The following PAPPA2 variants were observed in gnomAD, a reference collection of about 807,000 sequenced individuals.
PAPPA2 encodes the protein pappalysin 2.
A neutral mutation model predicts 176.4 loss-of-function variants in PAPPA2; 86 were observed. The ratio of observed to expected loss-of-function variants is 0.49; its 90% CI spans 0.41 to 0.58. The LOEUF (loss-of-function observed/expected upper bound fraction) is 0.58. Ranked by LOEUF, PAPPA2 falls within the 20% of genes least tolerant of loss-of-function variation. The pLI, the probability that PAPPA2 is intolerant of heterozygous loss-of-function variation, is 0.00. For synonymous variants in PAPPA2, 809 were observed against 852.2 expected, an observed-to-expected ratio of 0.95 and a Z score of 0.88; for missense variants, 2,073 against 2,256.9, an observed-to-expected ratio of 0.92 and a Z score of 1.65.
At chr1:176,670,479 T>C (rs1658928347) in intron 3 of PAPPA2, among the ~76,000 whole-genome samples, 1 of 152,216 alleles carries the variant, frequency 6.6e-6, no homozygotes, top group South Asian at 2.1e-4. Context: ...TTACTTTATG[T>C]TTTCTATCCT....
At chr1:176,580,159 C>T (rs1488345806) in intron 2 of PAPPA2, among the ~76,000 whole-genome samples, 1 of 152,120 alleles carries the variant, frequency 6.6e-6, no homozygotes, top group African/African-American at 2.4e-5. Context: ...CCCTATCTCC[C>T]TCTTCCTGCT....
Position 176,765,658 on chromosome 1 carries a change from T to C in PAPPA2, c.4152-8T>C. 2 of 1,613,150 alleles carry C rather than the reference T, an allele frequency of 1.2e-6. No individual in the cohort carries two copies. The highest frequency in any genetic ancestry group is 1.1e-5 in the South Asian group (1 of 90,952). On this transcript the variant is annotated splice_polypyrimidine_tract_variant and splice_region_variant and intron_variant, in intron 14 of 22. Transcript: ENST00000367662. ...AGTCCTAAGATGGTTCTATTTCTCT[T>C]ATCCCAGCTGTATCCATCGGCCCTG...
chr1:176,700,945 T>C (rs1268925338), intron 8 of PAPPA2, among the ~76,000 whole-genome samples: 1 of 152,170 alleles, frequency 6.6e-6, no homozygotes, highest in East Asian at 1.9e-4. Flanking sequence ...AAAAAGCTAA[T>C]GCAAATGCAA....
intron 3 of PAPPA2, among the ~76,000 whole-genome samples, chr1:176,668,010 G>T (rs574617394): frequency 6.6e-6 from 1 of 152,270 alleles, no homozygotes; most frequent in East Asian, 1.9e-4. Flanking sequence ...ATGCACTAAG[G>T]CTGGGAGGCA....
intron 12 of PAPPA2, among the ~76,000 whole-genome samples, chr1:176,728,543 C>T (rs372925243): frequency 6.6e-6 from 1 of 151,908 alleles, no homozygotes. Flanking sequence ...GAGGCACAAA[C>T]TGGTCCTGTA....
intron 21 of PAPPA2, among the ~76,000 whole-genome samples, chr1:176,829,100 T>C (rs539525508): frequency 6.6e-6 from 1 of 152,316 alleles, no homozygotes; most frequent in South Asian, 2.1e-4. Context: ...TGAAACACTT[T>C]CATCTTTGTA....
In PAPPA2 at chr1:176,632,229, ATGTGTGTGTGTG is replaced by A. The variant is rs56939950; in HGVS notation, c.1991+36657_1991+36668del. Reference sequence around the variant, plus strand: ...GGTTGAAGACCAATAATTAGTAGTGATGTGTGTGTGTGTGTGTGTGTGTGTGTGTGTGTGAGA... The same window carrying A: ...GGTTGAAGACCAATAATTAGTAGTGATGTGTGTGTGTGTGTGTGTGTGAGA... On this transcript the variant is annotated intron_variant, in intron 3 of 22. Coordinates refer to ENST00000367662, the MANE Select transcript of PAPPA2 (RefSeq NM_020318.3). Among the ~76,000 whole-genome samples the A allele has an allele frequency of 5.5e-5, 8 of 145,536 alleles. No homozygotes were observed. In the East Asian group the frequency reaches 8.2e-4, roughly 15 times the overall value.
At chr1:176,839,604 T>C (rs1363013058) in intron 21 of PAPPA2, among the ~76,000 whole-genome samples, 5 of 152,120 alleles carry the variant, frequency 3.3e-5, no homozygotes, top group Non-Finnish European at 7.4e-5. Context: ...ACCCAAGGAC[T>C]ACTCAGGTCT....
At chr1:176,508,297 G>T (rs141051500) in intron 1 of PAPPA2, among the ~76,000 whole-genome samples, 1 of 151,732 alleles carries the variant, frequency 6.6e-6, no homozygotes, top group South Asian at 2.1e-4. Context: ...TAAATCAGTC[G>T]GTAGAAACAT....
intron 1 of PAPPA2, among the ~76,000 whole-genome samples, chr1:176,524,356 A>G (rs1649367487): frequency 6.6e-6 from 1 of 152,208 alleles, no homozygotes; most frequent in Admixed American, 6.5e-5. Flanking sequence ...GTTGGCTTTC[A>G]TGGGCCAGCC....
intron 1 of PAPPA2, among the ~76,000 whole-genome samples, chr1:176,553,229 C>T (rs12749024): frequency 0.13 from 15,683 of 123,186 alleles, 1,058 homozygotes; most frequent in Middle Eastern, 0.26. Context: ...TTGAGAGAGC[C>T]GAGGCTGAGC....
chr1:176,702,561 C>T (rs1660698140), intron 8 of PAPPA2, 46 bp from the exon 9 acceptor site: 1 of 1,605,380 alleles, frequency 6.2e-7, no homozygotes, highest in South Asian at 1.1e-5. Context: ...CCAGGGCATG[C>T]CTCACTTTGT....
Position 176,637,175 on chromosome 1 carries a change from G to A in PAPPA2, c.1992-33795G>A, listed in dbSNP as rs139996479. 3.2e-4 allele frequency among the ~76,000 whole-genome samples: 48 copies of A among 152,122 alleles called. 1 individual carries two copies. The Middle Eastern group carries it at 0.01, about 32-fold the overall frequency. ...GGGTAGATAGCAGTATCATTCAACT[G>A]GATCAGGGCACTTGCAGAAGGATAA... On this transcript the variant is annotated intron_variant, in intron 3 of 22. Coordinates refer to ENST00000367662, the MANE Select transcript of PAPPA2 (RefSeq NM_020318.3).
intron 2 of PAPPA2, among the ~76,000 whole-genome samples, chr1:176,559,340 C>G (rs1227681842): frequency 6.6e-6 from 1 of 152,202 alleles, no homozygotes; most frequent in Non-Finnish European, 1.5e-5. Flanking sequence ...ATGCCCAGGG[C>G]TATCTCATCT....
At chr1:176,693,795 C>A (rs1182893591) in intron 6 of PAPPA2, among the ~76,000 whole-genome samples, 1 of 152,230 alleles carries the variant, frequency 6.6e-6, no homozygotes, top group East Asian at 1.9e-4. Flanking sequence ...GTGTGAGAAT[C>A]ATCTTCCTGC....
Position 176,645,862 on chromosome 1 carries a change from A to G in PAPPA2, c.1992-25108A>G, listed in dbSNP as rs12757211. On this transcript the variant is annotated intron_variant, in intron 3 of 22. Transcript: ENST00000367662. ...TTGTGATGTTGAGCATTTTTTTCAC[A>G]TGCCTGTTGGCCATTTATATAGCTT... 4.0e-3 allele frequency among the ~76,000 whole-genome samples: 613 copies of G among 151,786 alleles called. 2 individuals are homozygous for G. The highest frequency in any genetic ancestry group is 7.5e-3 in the Non-Finnish European group (507 of 67,762).
chr1:176,574,993 A>T (rs889430011), intron 2 of PAPPA2, among the ~76,000 whole-genome samples: 1 of 152,218 alleles, frequency 6.6e-6, no homozygotes, highest in African/African-American at 2.4e-5. Context: ...ATGTTCACAC[A>T]ATGACAAAAT....
intron 3 of PAPPA2, among the ~76,000 whole-genome samples, chr1:176,639,462 T>C (rs1656940226): frequency 6.6e-6 from 1 of 152,098 alleles, no homozygotes; most frequent in African/African-American, 2.4e-5. Flanking sequence ...TTTTTTATTC[T>C]TTAAAAAATG....
intron 1 of PAPPA2, among the ~76,000 whole-genome samples, chr1:176,505,817 T>C (rs1648228634): frequency 6.6e-6 from 1 of 151,862 alleles, no homozygotes. Context: ...GGAAATGAGG[T>C]TCAAAAATAT....
Sources: gnomAD v4.1 joint callset for allele counts (sites outside exome capture counted in the v4.1 genomes callset) on GRCh38, gnomAD v4.1.1 for gene constraint, MANE v1.5 for transcripts, NCBI Gene and HGNC (gene_info 2026-07-23, HGNC 2026-07-21) for gene names.